IRAG1: variants seen among roughly 807,000 people sequenced by gnomAD.
IRAG1 encodes the protein IP3R-associated cGMP kinase substrate.
Under a neutral mutation model 106.2 loss-of-function variants are expected in IRAG1, and 62 were observed. That is an observed-to-expected ratio of 0.58 (90% confidence interval 0.48 to 0.72). The LOEUF (loss-of-function observed/expected upper bound fraction) is 0.72. IRAG1 is among the 30% of genes least tolerant of loss of function. IRAG1 has a pLI of 0.00. For missense variants in IRAG1, 1,064 were observed against 1,140.7 expected (o/e 0.93, Z 0.97); for synonymous variants, 462 against 443.9 (o/e 1.04, Z -0.51).
intron 9 of IRAG1, 117 bp downstream of exon 9, chr11:10,625,849 A>C: frequency 9.2e-7 from 1 of 1,090,284 alleles, no homozygotes; most frequent in Non-Finnish European, 1.2e-6. Context: ...ACGCCCTCAC[A>C]AGGCCCAAGT....
In IRAG1 at chr11:10,665,005, G is replaced by C. The variant is rs1240545415; in HGVS notation, c.68-12823C>G. ...CCTTTTTTCTTAAGCTGGCTTGTAC[G>C]AGCTTTTTTGGCACTTGCAATAAAG... is the stretch of plus-strand genomic sequence containing the variant. On this transcript the variant is annotated intron_variant, in intron 1 of 20. Coordinates refer to ENST00000423302, the MANE Select transcript of IRAG1 (RefSeq NM_130385.4). This position sits in a 1 kb window ranked among gnomAD's most constrained non-coding sequence, Gnocchi z 4.2. Among the ~76,000 whole-genome samples the C allele has an allele frequency of 6.6e-6, 1 of 152,056 alleles. No individual in the cohort carries two copies. Among genetic ancestry groups the C allele is most frequent in the Non-Finnish European group, 1.5e-5 (1 of 68,016 alleles).
intron 10 of IRAG1, among the ~76,000 whole-genome samples, chr11:10,622,875 G>GCACACACACACACACACACACACA (rs1855938907): frequency 2.4e-5 from 1 of 42,020 alleles, no homozygotes; most frequent in East Asian, 1.6e-3. Flanking sequence ...TGTAAGCAGT[G>GCACACACACACACACACACACACA]GACACACACA....
At chr11:10,589,254 C>A (rs1323969038) in intron 18 of IRAG1, 1 of 152,116 alleles carries the variant, frequency 6.6e-6, no homozygotes, top group East Asian at 1.9e-4. Context: ...ACAACAGTCT[C>A]CAAAGCAATG....
chr11:10,634,722 T>A (rs1857004652), intron 2 of IRAG1, among the ~76,000 whole-genome samples: 1 of 151,510 alleles, frequency 6.6e-6, no homozygotes, highest in South Asian at 2.1e-4. Context: ...AAGGTGAGAT[T>A]TCCTTCTTTT....
chr11:10,644,051 G>C (rs1032456996), intron 2 of IRAG1, among the ~76,000 whole-genome samples: 9 of 152,230 alleles, frequency 5.9e-5, no homozygotes, highest in Admixed American at 5.2e-4. Flanking sequence ...AGGCCAGCCT[G>C]GTGGAACTGT....
chr11:10,652,799 G>A (rs1393648850), intron 1 of IRAG1, among the ~76,000 whole-genome samples: 4 of 152,080 alleles, frequency 2.6e-5, no homozygotes, highest in African/African-American at 9.7e-5. Flanking sequence ...CTTCCTCCCT[G>A]ACACCTCCCC....
chr11:10,602,188 C>G (rs72862342), intron 14 of IRAG1, among the ~76,000 whole-genome samples: 3,119 of 152,332 alleles, frequency 0.02, 45 homozygotes, highest in Middle Eastern at 0.078. Flanking sequence ...CTGAAGGACA[C>G]AGGGTGGGAT....
chr11:10,625,932 A>G (rs762128674), intron 9 of IRAG1, 34 bp downstream of exon 9: 2 of 1,437,406 alleles, frequency 1.4e-6, no homozygotes, highest in South Asian at 3.5e-5. Flanking sequence ...TACCTGGAGT[A>G]CACACTCTGC....
In IRAG1 at chr11:10,574,522, A is replaced by T. The variant is rs556439659; in HGVS notation, c.*1810T>A. ...TAATAATGTTTAAAACGTGCCAGAA[A>T]GCACAGAGGAGTGTGTGACCTATTA... On this transcript the variant is annotated 3_prime_UTR_variant, in exon 21 of 21. Transcript: ENST00000423302. 6.6e-6 allele frequency: 1 copy of T among 152,360 alleles called. No individual in the cohort carries two copies. Among genetic ancestry groups the T allele is most frequent in the African/African-American group, 2.4e-5 (1 of 41,586 alleles). 9.4% of individuals were successfully genotyped at this position (152,360 alleles called of 1,614,324 possible). A position where few individuals can be genotyped will look rare whatever the true frequency, so the allele number is the denominator to read the frequency against.
intron 1 of IRAG1, among the ~76,000 whole-genome samples, chr11:10,677,201 T>C (rs1438027553): frequency 6.6e-6 from 1 of 152,172 alleles, no homozygotes; most frequent in Non-Finnish European, 1.5e-5. Flanking sequence ...AACCCTGTAC[T>C]TTTCCTGGGA....
intron 20 of IRAG1, among the ~76,000 whole-genome samples, chr11:10,579,142 G>C (rs1358800498): frequency 6.6e-6 from 1 of 152,210 alleles, no homozygotes; most frequent in Non-Finnish European, 1.5e-5. Flanking sequence ...TTTGTTTTCA[G>C]TGGAGAAGCA....
chr11:10,667,220 T>C (rs1158643918), intron 1 of IRAG1, among the ~76,000 whole-genome samples: 1 of 152,206 alleles, frequency 6.6e-6, no homozygotes, highest in Non-Finnish European at 1.5e-5. Context: ...GGGACATTGT[T>C]CTCGTGGCCT....
intron 2 of IRAG1, 23 bp from the exon 3 acceptor site, chr11:10,634,094 CAG>C: frequency 2.7e-6 from 4 of 1,508,278 alleles, no homozygotes; most frequent in Non-Finnish European, 3.6e-6. Context: ...AACAAAAACA[CAG>C]AGTTAGGCTT....
intron 2 of IRAG1, among the ~76,000 whole-genome samples, chr11:10,641,640 C>A (rs116846367): frequency 6.6e-6 from 1 of 152,120 alleles, no homozygotes; most frequent in Non-Finnish European, 1.5e-5. Context: ...GTTTTCTCAC[C>A]GAATCCTCCC....
intron 17 of IRAG1, among the ~76,000 whole-genome samples, chr11:10,592,477 G>T (rs1852789948): frequency 6.6e-6 from 1 of 152,180 alleles, no homozygotes; most frequent in Non-Finnish European, 1.5e-5. Flanking sequence ...CGACTGAAAT[G>T]CTTGAGGCAG....
intron 1 of IRAG1, among the ~76,000 whole-genome samples, chr11:10,661,850 GGAT>G (rs1859429861): frequency 6.6e-6 from 1 of 152,164 alleles, no homozygotes; most frequent in African/African-American, 2.4e-5. Context: ...TCCTGGGTTA[GGAT>G]GTAGACATCT....
At chr11:10,633,152 G>A (rs1251579441) in intron 3 of IRAG1, among the ~76,000 whole-genome samples, 1 of 146,670 alleles carries the variant, frequency 6.8e-6, no homozygotes, top group Non-Finnish European at 1.5e-5. Flanking sequence ...TGGGCTCACT[G>A]CAAGCTCCGC....
intron 1 of IRAG1, among the ~76,000 whole-genome samples, chr11:10,678,045 T>C (rs1363036903): frequency 1.6e-5 from 2 of 125,746 alleles, no homozygotes; most frequent in African/African-American, 3.2e-5. Flanking sequence ...TCTATCTGTC[T>C]ATCCATCCCA....
chr11:10,615,021 T>C (rs1399881518), intron 10 of IRAG1, among the ~76,000 whole-genome samples: 1 of 152,124 alleles, frequency 6.6e-6, no homozygotes, highest in Non-Finnish European at 1.5e-5. Context: ...GGAGAAAATT[T>C]TTGCAATCTA....
Sources: gnomAD v4.1 joint callset for allele counts (sites outside exome capture counted in the v4.1 genomes callset) on GRCh38, gnomAD v4.1.1 for gene constraint, Gnocchi (gnomAD v3.1) non-coding constraint, MANE v1.5 for transcripts, NCBI Gene and HGNC (gene_info 2026-07-23, HGNC 2026-07-21) for gene names.